Variants in UNC5C observed in about 807,000 individuals in gnomAD.
UNC5C encodes unc-5 netrin receptor C.
Under a neutral mutation model 99.8 loss-of-function variants are expected in UNC5C, and 47 were observed. The ratio of observed to expected loss-of-function variants is 0.47; its 90% CI spans 0.37 to 0.60. The LOEUF (loss-of-function observed/expected upper bound fraction) is 0.60, where lower values mean the gene tolerates loss of function less well. UNC5C is among the 20% of genes least tolerant of loss of function. The pLI is 0.00. For synonymous variants in UNC5C, 487 were observed against 452.2 expected (o/e 1.08, Z -0.98); for missense variants, 1,062 against 1,165.9 (o/e 0.91, Z 1.30).
intron 7 of UNC5C, among the ~76,000 whole-genome samples, chr4:95,241,585 A>G (rs1282869194): frequency 6.6e-6 from 1 of 152,238 alleles, no homozygotes; most frequent in Non-Finnish European, 1.5e-5. Flanking sequence ...GACAACCATT[A>G]GTTCAGATCC....
At chr4:95,197,031 T>A (rs1165940682) in intron 12 of UNC5C, among the ~76,000 whole-genome samples, 2 of 66,314 alleles carry the variant, frequency 3.0e-5, no homozygotes, top group Admixed American at 5.6e-4. Flanking sequence ...TAATATATAT[T>A]TATATATTAT....
intron 14 of UNC5C, among the ~76,000 whole-genome samples, chr4:95,176,031 G>A (rs1016259681): frequency 1.3e-4 from 20 of 150,832 alleles, no homozygotes; most frequent in South Asian, 8.4e-4. Context: ...CCAGTTGATC[G>A]CATTGGCTCC....
At chr4:95,260,827 C>T (rs1182802484) in intron 4 of UNC5C, among the ~76,000 whole-genome samples, 4 of 152,102 alleles carry the variant, frequency 2.6e-5, no homozygotes, top group African/African-American at 9.6e-5. Flanking sequence ...AGAGAAGTTG[C>T]CCAAGGGTAA....
At chr4:95,343,158 G>A (rs1743642608) in intron 1 of UNC5C, among the ~76,000 whole-genome samples, 1 of 152,110 alleles carries the variant, frequency 6.6e-6, no homozygotes, top group African/African-American at 2.4e-5. Flanking sequence ...GGCCTTGAGA[G>A]AACATAGATG....
chr4:95,527,863 T>C (rs1220250068), intron 1 of UNC5C, among the ~76,000 whole-genome samples: 1 of 152,164 alleles, frequency 6.6e-6, no homozygotes, highest in Non-Finnish European at 1.5e-5. Flanking sequence ...AAAATCACTT[T>C]ACACTATTCC....
chr4:95,520,810 C>T (rs933771155), intron 1 of UNC5C, among the ~76,000 whole-genome samples: 5 of 151,946 alleles, frequency 3.3e-5, no homozygotes, highest in African/African-American at 1.2e-4. Flanking sequence ...CTGCATTAGC[C>T]AAGATGGTCT....
chr4:95,518,625 C>A (rs1722274949), intron 1 of UNC5C, among the ~76,000 whole-genome samples: 1 of 152,130 alleles, frequency 6.6e-6, no homozygotes, highest in South Asian at 2.1e-4. Context: ...TTTCAATATG[C>A]AGAATAACAA....
chr4:95,238,043 A>AATAC lies in UNC5C; in HGVS notation c.1108+4382_1108+4385dup, dbSNP rs560683783. The stretch of plus-strand genomic sequence containing the variant: ...CAGAGCAAGACTCCGTCTCTAAATA[A>AATAC]ATACATACATACATACATACATACC... On this transcript the variant is annotated intron_variant, in intron 7 of 15. Transcript: ENST00000453304. Among the ~76,000 whole-genome samples the AATAC allele has an allele frequency of 8.1e-4, 83 of 102,534 alleles. No homozygotes were observed. The South Asian group carries it at 0.02, about 24-fold the overall frequency. The allele number at this position is 102,534 out of a possible 152,430, so 67.3% of individuals were successfully genotyped here. A position where few individuals can be genotyped will look rare whatever the true frequency, so the allele number is the denominator to read the frequency against.
chr4:95,470,493 A>G (rs1747935009), intron 1 of UNC5C, among the ~76,000 whole-genome samples: 1 of 152,106 alleles, frequency 6.6e-6, no homozygotes, highest in Non-Finnish European at 1.5e-5. Flanking sequence ...GTGCCTGTGA[A>G]TGAGATATAG....
At chr4:95,208,510 C>T (rs752349467) in intron 10 of UNC5C, among the ~76,000 whole-genome samples, 7 of 152,160 alleles carry the variant, frequency 4.6e-5, no homozygotes, top group Non-Finnish European at 8.8e-5. Flanking sequence ...TTTCTTCATG[C>T]TCTATCTTCC....
chr4:95,245,219 C>T (rs76859481), intron 5 of UNC5C, 75 bp from the exon 6 acceptor site: 115,480 of 1,415,428 alleles, frequency 0.082, 5,096 homozygotes, highest in Middle Eastern at 0.12. Flanking sequence ...ACAAAACAGA[C>T]ACAATATGTA....
intron 4 of UNC5C, among the ~76,000 whole-genome samples, chr4:95,254,598 A>G (rs1280405639): frequency 6.6e-6 from 1 of 152,194 alleles, no homozygotes; most frequent in African/African-American, 2.4e-5. Context: ...TGATAGACAT[A>G]TAGAATCTAA....
Position 95,250,569 on chromosome 4 carries a change from G to T in UNC5C, c.693C>A (p.Leu231=). ...CACAGGTGTAATTTGCAGTATCAGA[G>T]AGTCGGGCCTGCTTTATGATGAGGT... ...DHNLIIKQAR[L]SDTANYTCVA... Residue 231 remains leucine, a synonymous_variant, in exon 5 of 16, where the codon CTC becomes CTA. Coordinates refer to ENST00000453304, the MANE Select transcript of UNC5C (RefSeq NM_003728.4). 1 of 1,613,978 alleles carries T rather than the reference G, an allele frequency of 6.2e-7. No homozygotes were observed. The highest frequency in any genetic ancestry group is 2.2e-5 in the East Asian group (1 of 44,858).
chr4:95,512,513 G>T (rs1722102486), intron 1 of UNC5C, among the ~76,000 whole-genome samples: 1 of 152,120 alleles, frequency 6.6e-6, no homozygotes, highest in Admixed American at 6.6e-5. Flanking sequence ...ATAAAGCAAT[G>T]AGAGGCCTTC....
intron 2 of UNC5C, among the ~76,000 whole-genome samples, chr4:95,322,820 C>G (rs977924784): frequency 6.6e-6 from 1 of 151,740 alleles, no homozygotes; most frequent in Non-Finnish European, 1.5e-5. Flanking sequence ...CATCTGTAGT[C>G]CCAGCTACTT....
intron 4 of UNC5C, among the ~76,000 whole-genome samples, chr4:95,253,519 C>G (rs938712712): frequency 6.6e-6 from 1 of 152,134 alleles, no homozygotes; most frequent in South Asian, 2.1e-4. Flanking sequence ...CTGAGAAGCC[C>G]CAGCAGTGTT....
At chr4:95,538,784 C>T (rs1396182959) in intron 1 of UNC5C, among the ~76,000 whole-genome samples, 3 of 151,974 alleles carry the variant, frequency 2.0e-5, no homozygotes, top group Non-Finnish European at 4.4e-5. Context: ...ATATGTTAAC[C>T]TGTATTTAAT....
chr4:95,529,177 A>G (rs1722573388), intron 1 of UNC5C, among the ~76,000 whole-genome samples: 1 of 151,416 alleles, frequency 6.6e-6, no homozygotes, highest in Middle Eastern at 3.2e-3. Flanking sequence ...TATACTAACT[A>G]ATACTTCCAG....
intron 1 of UNC5C, among the ~76,000 whole-genome samples, chr4:95,383,513 A>G (rs1293533124): frequency 6.6e-6 from 1 of 152,180 alleles, no homozygotes; most frequent in East Asian, 1.9e-4. Context: ...CTGTTTTGGT[A>G]TGTTAAGATT....
Sources: allele counts gnomAD v4.1 joint callset (sites outside exome capture counted in the v4.1 genomes callset), GRCh38; gene constraint gnomAD v4.1.1; transcripts MANE v1.5; gene names NCBI Gene and HGNC (gene_info 2026-07-23, HGNC 2026-07-21).